The following GALNT7 variants were observed in gnomAD, a reference collection of about 807,000 sequenced individuals.
GALNT7 encodes polypeptide N-acetylgalactosaminyltransferase 7.
In GALNT7, 60 loss-of-function variants were observed where a neutral mutation model predicts 82.1. The observed-to-expected ratio is 0.73, with a 90% CI of 0.59 to 0.91. The LOEUF is 0.91. GALNT7 is among the 40% of genes least tolerant of loss of function. GALNT7 has a pLI of 0.00. For synonymous variants in GALNT7, 243 were observed against 275.1 expected, an observed-to-expected ratio of 0.88 and a Z score of 1.15; for missense variants, 660 against 804.2, an observed-to-expected ratio of 0.82 and a Z score of 2.17.
intron 8 of GALNT7, among the ~76,000 whole-genome samples, chr4:173,313,108 T>C (rs1737452128): frequency 6.6e-6 from 1 of 152,138 alleles, no homozygotes; most frequent in African/African-American, 2.4e-5. Flanking sequence ...CTGGGGAAAA[T>C]ACCCAGTCCA....
chr4:173,238,005 G>A (rs1287165848), intron 1 of GALNT7, among the ~76,000 whole-genome samples: 1 of 152,094 alleles, frequency 6.6e-6, no homozygotes, highest in Non-Finnish European at 1.5e-5. Flanking sequence ...TCCACCTGAT[G>A]AAATGCTGTG....
intron 2 of GALNT7, among the ~76,000 whole-genome samples, chr4:173,273,465 C>A (rs559323126): frequency 1.3e-5 from 2 of 152,258 alleles, no homozygotes; most frequent in South Asian, 4.1e-4. Flanking sequence ...AACAAAAAAT[C>A]CCATCCGATC....
At chr4:173,273,323 C>T (rs1735793413) in intron 2 of GALNT7, among the ~76,000 whole-genome samples, 1 of 152,176 alleles carries the variant, frequency 6.6e-6, no homozygotes, top group African/African-American at 2.4e-5. Context: ...CTCTGCACAA[C>T]TGTTTTTTAC....
chr4:173,250,778 C>G (rs530768406), intron 2 of GALNT7, among the ~76,000 whole-genome samples: 2 of 152,312 alleles, frequency 1.3e-5, no homozygotes, highest in Admixed American at 1.3e-4. Flanking sequence ...TTGCAGACCT[C>G]TTCTTGCTAC....
At chr4:173,297,802 T>C in intron 5 of GALNT7, 1 of 1,421,672 alleles carries the variant, frequency 7.0e-7, no homozygotes, top group South Asian at 1.6e-5. Flanking sequence ...CAGAACTACA[T>C]GTACTGTGCC....
intron 5 of GALNT7, chr4:173,297,880 T>G: frequency 2.0e-6 from 3 of 1,508,072 alleles, no homozygotes; most frequent in Non-Finnish European, 1.8e-6. Flanking sequence ...TGAAGATGGT[T>G]TTGCCAGAGG....
chr4:173,266,975 A>C (rs1366766025), intron 2 of GALNT7, among the ~76,000 whole-genome samples: 1 of 151,580 alleles, frequency 6.6e-6, no homozygotes, highest in African/African-American at 2.4e-5. Flanking sequence ...GGCTATAAAC[A>C]TACAGTTAGC....
chr4:173,307,967 G>T (rs1737221978), intron 8 of GALNT7, among the ~76,000 whole-genome samples: 1 of 152,254 alleles, frequency 6.6e-6, no homozygotes, highest in African/African-American at 2.4e-5. Flanking sequence ...AGTGATGCCA[G>T]TGTCCTCTAG....
chr4:173,216,719 A>ATTTTTTTT (rs1269758613), intron 1 of GALNT7, among the ~76,000 whole-genome samples: 1 of 13,484 alleles, frequency 7.4e-5, no homozygotes, highest in African/African-American at 1.5e-4. Flanking sequence ...ATATATATAT[A>ATTTTTTTT]TATATATATT....
intron 6 of GALNT7, among the ~76,000 whole-genome samples, chr4:173,301,248 T>C (rs1736922208): frequency 6.6e-6 from 1 of 152,068 alleles, no homozygotes; most frequent in South Asian, 2.1e-4. Context: ...ACCCTAATAA[T>C]ACTGAGTACC....
chr4:173,288,175 C>G (rs918122903), intron 2 of GALNT7, among the ~76,000 whole-genome samples: 1 of 146,318 alleles, frequency 6.8e-6, no homozygotes, highest in East Asian at 2.1e-4. Flanking sequence ...CCCAGCTACT[C>G]GGGAGGCTGA....
chr4:173,297,304 TA>T (rs1736751039), intron 5 of GALNT7, among the ~76,000 whole-genome samples: 1 of 151,642 alleles, frequency 6.6e-6, no homozygotes, highest in Non-Finnish European at 1.5e-5. Context: ...GAAGATCAAG[TA>T]AAAGTACAGA....
Position 173,321,998 on chromosome 4 carries a change from T to C in GALNT7, c.*281T>C, listed in dbSNP as rs901301412. ...TGGTAATTTGTGCCTTTAGCTCTGT[T>C]TTATTAGACAGAGTTAAAGCATGTT... is the stretch of plus-strand genomic sequence containing the variant. On this transcript the variant is annotated 3_prime_UTR_variant, in exon 12 of 12. Transcript: ENST00000265000. 8.6e-5 allele frequency: 22 copies of C among 255,734 alleles called. No individual in the cohort carries two copies. Among genetic ancestry groups the C allele is most frequent in the African/African-American group, 4.8e-4 (22 of 45,452 alleles). The allele number at this position is 255,734 out of a possible 1,614,324, so 15.8% of individuals were successfully genotyped here.
chr4:173,249,260 T>A (rs1485328006), intron 2 of GALNT7, among the ~76,000 whole-genome samples: 1 of 152,240 alleles, frequency 6.6e-6, no homozygotes, highest in East Asian at 1.9e-4. Flanking sequence ...AATCTTCATT[T>A]TTAAAAGGTT....
intron 2 of GALNT7, among the ~76,000 whole-genome samples, chr4:173,257,278 T>C (rs1013795365): frequency 2.6e-5 from 4 of 152,200 alleles, no homozygotes; most frequent in Non-Finnish European, 4.4e-5. Context: ...TAAAGCAAGA[T>C]CATAAGCACC....
At chr4:173,226,826 A>G (rs963191942) in intron 1 of GALNT7, among the ~76,000 whole-genome samples, 13 of 152,168 alleles carry the variant, frequency 8.5e-5, no homozygotes, top group African/African-American at 1.7e-4. Context: ...CTATGTTACA[A>G]ATGCACTATT....
intron 1 of GALNT7, among the ~76,000 whole-genome samples, chr4:173,186,315 A>T (rs1304762283): frequency 3.9e-5 from 6 of 152,222 alleles, no homozygotes; most frequent in Admixed American, 3.9e-4. Flanking sequence ...TATATAGTAA[A>T]AGTACACATG....
chr4:173,186,020 G>C (rs1251977113), intron 1 of GALNT7, among the ~76,000 whole-genome samples: 4 of 152,164 alleles, frequency 2.6e-5, no homozygotes, highest in Admixed American at 6.5e-5. Flanking sequence ...TGAACTTTAA[G>C]GTGTAGGAAG....
chr4:173,274,887 A>T (rs746617752), intron 2 of GALNT7, among the ~76,000 whole-genome samples: 18 of 152,138 alleles, frequency 1.2e-4, no homozygotes, highest in Non-Finnish European at 1.9e-4. Context: ...TGGATTCCTC[A>T]TGGATGCTCA....
Sources: gnomAD v4.1 joint callset for allele counts (sites outside exome capture counted in the v4.1 genomes callset) on GRCh38, gnomAD v4.1.1 for gene constraint, MANE v1.5 for transcripts, NCBI Gene and HGNC (gene_info 2026-07-23, HGNC 2026-07-21) for gene names.